Variants in ROBO1 observed in about 807,000 individuals in gnomAD.
The protein encoded by ROBO1 is roundabout homolog 1.
In ROBO1, 149 loss-of-function variants were observed where a neutral mutation model predicts 195.9. The observed-to-expected ratio is 0.76, with a 90% CI of 0.67 to 0.87. The LOEUF is 0.87. Among genes scored for constraint, ROBO1 ranks in the 40% least tolerant of loss-of-function variants. The pLI, the probability that ROBO1 is intolerant of heterozygous loss-of-function variation, is 0.00. For synonymous variants in ROBO1, 816 were observed against 733.2 expected, an observed-to-expected ratio of 1.11 and a Z score of -1.82; for missense variants, 1,933 against 2,068.3, an observed-to-expected ratio of 0.93 and a Z score of 1.27.
intron 5 of ROBO1, among the ~76,000 whole-genome samples, chr3:78,720,949 T>TGGGGGGGGGGGGGGG (rs1559785864): frequency 7.2e-6 from 1 of 138,088 alleles, no homozygotes; most frequent in African/African-American, 3.1e-5. Flanking sequence ...TGTTGTGGGG[T>TGGGGGGGGGGGGGGG]TGGGGGGGGG....
chr3:78,603,047 T>C (rs191887413), intron 29 of ROBO1, among the ~76,000 whole-genome samples: 42 of 152,312 alleles, frequency 2.8e-4, no homozygotes, highest in Non-Finnish European at 5.0e-4. Flanking sequence ...TCACCCATTC[T>C]TGCTCCTATA....
At chr3:79,698,014 T>C (rs1947498225) in intron 1 of ROBO1, among the ~76,000 whole-genome samples, 1 of 151,502 alleles carries the variant, frequency 6.6e-6, no homozygotes, top group Non-Finnish European at 1.5e-5. Flanking sequence ...AATAAAAATG[T>C]TCTAAAAATG....
At chr3:78,643,148 C>T (rs568106618) in intron 21 of ROBO1, among the ~76,000 whole-genome samples, 53 of 152,280 alleles carry the variant, frequency 3.5e-4, no homozygotes, top group Non-Finnish European at 7.1e-4. Context: ...AGTTGCCAAA[C>T]GTTTTTGGTA....
intron 2 of ROBO1, among the ~76,000 whole-genome samples, chr3:79,280,398 C>T (rs926903646): frequency 3.9e-5 from 6 of 151,906 alleles, no homozygotes; most frequent in African/African-American, 1.2e-4. Context: ...TGAAGGTTTA[C>T]GTTGTATATA....
intron 2 of ROBO1, among the ~76,000 whole-genome samples, chr3:79,336,660 C>A (rs1465626917): frequency 1.3e-5 from 2 of 152,218 alleles, no homozygotes; most frequent in Non-Finnish European, 2.9e-5. Context: ...GGAACCCCCA[C>A]AGAAAGTCCC....
At chr3:78,711,339 C>CCTCCTTTCTTTCTTT (rs1559772541) in intron 8 of ROBO1, among the ~76,000 whole-genome samples, 4 of 109,026 alleles carry the variant, frequency 3.7e-5, no homozygotes, top group South Asian at 3.3e-4. Context: ...TTCCTTCCTT[C>CCTCCTTTCTTTCTTT]CTTCCTTCCT....
chr3:78,917,165 C>T (rs1353777129), intron 4 of ROBO1, among the ~76,000 whole-genome samples: 15 of 134,678 alleles, frequency 1.1e-4, no homozygotes, highest in East Asian at 2.4e-4. Flanking sequence ...GGCACAATCT[C>T]GGCTCATTGC....
intron 2 of ROBO1, among the ~76,000 whole-genome samples, chr3:79,150,908 G>A (rs184668783): frequency 6.6e-6 from 1 of 151,152 alleles, no homozygotes; most frequent in Non-Finnish European, 1.5e-5. Flanking sequence ...CCCTGCCCCA[G>A]CCCCTCTAAT....
chr3:79,042,036 G>T (rs796089172), intron 3 of ROBO1, among the ~76,000 whole-genome samples: 11 of 152,246 alleles, frequency 7.2e-5, no homozygotes, highest in African/African-American at 2.6e-4. Context: ...AGAGCACTGA[G>T]ATCTTGGAAC....
At chr3:79,617,818 C>T (rs1207975739) in intron 1 of ROBO1, among the ~76,000 whole-genome samples, 2 of 62,998 alleles carry the variant, frequency 3.2e-5, no homozygotes, top group Non-Finnish European at 5.4e-5. Flanking sequence ...GAGACTCTGT[C>T]TCAAAAAAAA....
At chr3:79,216,085 G>T (rs1281820081) in intron 2 of ROBO1, among the ~76,000 whole-genome samples, 3 of 151,704 alleles carry the variant, frequency 2.0e-5, no homozygotes, top group Non-Finnish European at 4.4e-5. Context: ...TCTCCTTTAG[G>T]TATTTGTTAA....
intron 1 of ROBO1, among the ~76,000 whole-genome samples, chr3:79,737,462 A>C (rs1703436525): frequency 6.6e-6 from 1 of 152,186 alleles, no homozygotes; most frequent in Non-Finnish European, 1.5e-5. Context: ...CAACTCAACA[A>C]ATATATTCAG....
chr3:79,534,936 C>A (rs1358452099), intron 2 of ROBO1, among the ~76,000 whole-genome samples: 1 of 152,110 alleles, frequency 6.6e-6, no homozygotes, highest in African/African-American at 2.4e-5. Context: ...CTGGCTTAGT[C>A]AGTTCTCTGC....
At chr3:79,578,860 T>G (rs547397860) in intron 2 of ROBO1, among the ~76,000 whole-genome samples, 29 of 152,224 alleles carry the variant, frequency 1.9e-4, no homozygotes, top group Non-Finnish European at 3.7e-4. Context: ...CACAATTGTA[T>G]CACTATACTA....
chr3:79,747,109 G>T (rs1703910304), intron 1 of ROBO1, among the ~76,000 whole-genome samples: 1 of 151,964 alleles, frequency 6.6e-6, no homozygotes, highest in Non-Finnish European at 1.5e-5. Flanking sequence ...TACAAATTGG[G>T]TTTTCCTTTT....
At chr3:78,660,923 G>A (rs1707353361) in intron 16 of ROBO1, 107 bp downstream of exon 16, 1 of 787,224 alleles carries the variant, frequency 1.3e-6, no homozygotes, top group South Asian at 2.1e-5. Flanking sequence ...TATCAAGAAA[G>A]TTAGTAATTA....
At chr3:79,200,425 A>T (rs556885525) in intron 2 of ROBO1, among the ~76,000 whole-genome samples, 4 of 151,848 alleles carry the variant, frequency 2.6e-5, no homozygotes, top group South Asian at 2.1e-4. Flanking sequence ...AAAAATATAC[A>T]TATATTTTAT....
At chr3:79,434,884 TA>T (rs1431416302) in intron 2 of ROBO1, among the ~76,000 whole-genome samples, 1 of 152,146 alleles carries the variant, frequency 6.6e-6, no homozygotes. Context: ...TATGTAGCCA[TA>T]AAAAATGATG....
At chr3:79,759,629 T>G (rs928892616) in intron 1 of ROBO1, among the ~76,000 whole-genome samples, 3 of 152,202 alleles carry the variant, frequency 2.0e-5, no homozygotes, top group Non-Finnish European at 4.4e-5. Flanking sequence ...TTAAAGAGAT[T>G]ATACAGTTTG....
Sources: allele counts gnomAD v4.1 joint callset (sites outside exome capture counted in the v4.1 genomes callset), GRCh38; gene constraint gnomAD v4.1.1; transcripts MANE v1.5; gene names NCBI Gene and HGNC (gene_info 2026-07-23, HGNC 2026-07-21).